The following PLOD2 variants were observed in gnomAD, a reference collection of about 807,000 sequenced individuals.
The protein encoded by PLOD2 is procollagen-lysine,2-oxoglutarate 5-dioxygenase 2, also known as lysine hydroxylase 2.
A neutral mutation model predicts 101.0 loss-of-function variants in PLOD2; 65 were observed. That is an observed-to-expected ratio of 0.64 (90% CI 0.53 to 0.79). PLOD2 has a LOEUF of 0.79. Among genes scored for constraint, PLOD2 ranks in the 30% least tolerant of loss-of-function variants. The pLI, the probability that PLOD2 is intolerant of heterozygous loss-of-function variation, is 0.00. For missense variants in PLOD2, 909 were observed against 914.6 expected, an observed-to-expected ratio of 0.99 and a Z score of 0.08; for synonymous variants, 314 against 302.9, an observed-to-expected ratio of 1.04 and a Z score of -0.38.
chr3:146,125,612 T>C (rs1009085049), intron 1 of PLOD2, among the ~76,000 whole-genome samples: 2 of 151,912 alleles, frequency 1.3e-5, no homozygotes, highest in African/African-American at 4.8e-5. Flanking sequence ...TCGGGTATGG[T>C]GGCACACACT....
At chr3:146,111,816 A>ATT (rs1270391111) in intron 3 of PLOD2, among the ~76,000 whole-genome samples, 1 of 151,218 alleles carries the variant, frequency 6.6e-6, no homozygotes, top group Non-Finnish European at 1.5e-5. Context: ...TAACGGTGAT[A>ATT]TTTTCCTCAA....
intron 3 of PLOD2, 101 bp downstream of exon 3, chr3:146,121,011 G>A (rs542681530): frequency 2.4e-5 from 23 of 964,074 alleles, no homozygotes; most frequent in East Asian, 1.8e-4. Flanking sequence ...GTGAGCCACC[G>A]TGCCCAACCA....
chr3:146,151,956 TGTTA>T (rs1369746001), intron 1 of PLOD2, among the ~76,000 whole-genome samples: 1 of 152,248 alleles, frequency 6.6e-6, no homozygotes, highest in Non-Finnish European at 1.5e-5. Flanking sequence ...TTTACAATGC[TGTTA>T]GTTACCTCTA....
chr3:146,122,824 A>T (rs529911923), intron 2 of PLOD2, among the ~76,000 whole-genome samples: 7 of 152,310 alleles, frequency 4.6e-5, no homozygotes, highest in African/African-American at 1.4e-4. Flanking sequence ...TTAACAGCAT[A>T]TCATATATAA....
rs553988150 is a variant in PLOD2, at chr3:146,099,646, C to T, written c.777+3109G>A. Among the ~76,000 whole-genome samples the T allele has an allele frequency of 2.0e-5, 3 of 152,056 alleles. 1 individual carries two copies. In the South Asian group the frequency reaches 6.2e-4, roughly 32 times the overall value. ...CTCCTGGCCTCAAGTGATCTGCCTGCCTCAGCCTCCTAACGTGACATGAGG... is the reference window on the plus strand; with the variant it reads ...CTCCTGGCCTCAAGTGATCTGCCTGTCTCAGCCTCCTAACGTGACATGAGG... On this transcript the variant is annotated intron_variant, in intron 7 of 19. Transcript: ENST00000282903.
At chr3:146,091,740 A>G (rs1010926768) in intron 8 of PLOD2, 60 bp downstream of exon 8, 1 of 946,802 alleles carries the variant, frequency 1.1e-6, no homozygotes, top group Non-Finnish European at 1.7e-6. Flanking sequence ...TATAAATCAC[A>G]GTATTTCATG....
Position 146,160,979 on chromosome 3 carries a change from C to A in PLOD2, c.11G>T (p.Cys4Phe), listed in dbSNP as rs1240309242. 2 of 1,582,822 alleles carry A rather than the reference C, an allele frequency of 1.3e-6. No individual in the cohort carries two copies. The highest frequency in any genetic ancestry group is 2.3e-5 in the East Asian group (1 of 43,328). Reference protein sequence around the residue: MGGCTVKPQLLLLA... With the variant: MGGFTVKPQLLLLA... Reference sequence around the variant, plus strand: ...GAGCAGCAGCTGAGGCTTCACCGTGCATCCCCCCATATTCGGCCCTCGAGG... The same window carrying A: ...GAGCAGCAGCTGAGGCTTCACCGTGAATCCCCCCATATTCGGCCCTCGAGG... The change falls in exon 1 of 20, where the codon TGC becomes TTC. Residue 4 changes from cysteine to phenylalanine, a missense_variant. Cys to Phe is a radical substitution (Grantham distance 205, BLOSUM62 -2). Coordinates refer to ENST00000282903, the MANE Select transcript of PLOD2 (RefSeq NM_182943.3).
At chr3:146,097,821 TAATAA>T (rs1438687679) in intron 7 of PLOD2, among the ~76,000 whole-genome samples, 7 of 106,566 alleles carry the variant, frequency 6.6e-5, no homozygotes, top group Middle Eastern at 5.4e-3. Context: ...ATAATAATAA[TAATAA>T]AAAAAGAAAA....
At chr3:146,136,682 T>C (rs1249151667) in intron 1 of PLOD2, among the ~76,000 whole-genome samples, 1 of 152,140 alleles carries the variant, frequency 6.6e-6, no homozygotes, top group Non-Finnish European at 1.5e-5. Context: ...GCACAATGGG[T>C]TGCCTTTTTT....
chr3:146,155,696 C>G (rs2864795), intron 1 of PLOD2, among the ~76,000 whole-genome samples: 12,954 of 124,770 alleles, frequency 0.1, 731 homozygotes, highest in South Asian at 0.16. Context: ...GCCTGGGCGA[C>G]AGAACGAGAC....
At chr3:146,115,883 T>C (rs1937883955) in intron 3 of PLOD2, among the ~76,000 whole-genome samples, 1 of 152,116 alleles carries the variant, frequency 6.6e-6, no homozygotes, top group East Asian at 1.9e-4. Context: ...TGTAAACAAA[T>C]GAGCACAGCT....
At chr3:146,098,319 TA>T (rs143555376) in intron 7 of PLOD2, among the ~76,000 whole-genome samples, 35,998 of 152,036 alleles carry the variant, frequency 0.24, 4,396 homozygotes, top group Non-Finnish European at 0.27. Flanking sequence ...TTACTAACAA[TA>T]AATGGGTTTC....
At chr3:146,085,399 G>A in intron 10 of PLOD2, 126 bp from the exon 11 acceptor site, 1 of 672,570 alleles carries the variant, frequency 1.5e-6, no homozygotes, top group South Asian at 1.7e-5. Context: ...GATCAAAATA[G>A]TGGAACAATA....
At chr3:146,143,885 A>C (rs1369100182) in intron 1 of PLOD2, among the ~76,000 whole-genome samples, 1 of 152,084 alleles carries the variant, frequency 6.6e-6, no homozygotes, top group South Asian at 2.1e-4. Context: ...CAAGTACCTA[A>C]GAGATCTGGT....
intron 1 of PLOD2, among the ~76,000 whole-genome samples, chr3:146,141,107 C>T (rs2031500002): frequency 6.6e-6 from 1 of 151,974 alleles, no homozygotes; most frequent in Non-Finnish European, 1.5e-5. Context: ...ATTGAATACA[C>T]AGTATGAACA....
intron 4 of PLOD2, 139 bp from the exon 5 acceptor site, chr3:146,106,783 TG>T (rs1415177520): frequency 1.5e-6 from 1 of 687,840 alleles, no homozygotes; most frequent in African/African-American, 1.8e-5. Context: ...CAGCTCACCA[TG>T]AAAGAAATAT....
intron 3 of PLOD2, among the ~76,000 whole-genome samples, chr3:146,111,032 ATAATT>A (rs66507051): frequency 0.65 from 98,070 of 151,076 alleles, 31,916 homozygotes; most frequent in East Asian, 0.8. Flanking sequence ...AACTGACACT[ATAATT>A]TAATTTTTGT....
At chr3:146,107,801 G>T (rs1937563519) in intron 4 of PLOD2, among the ~76,000 whole-genome samples, 1 of 151,716 alleles carries the variant, frequency 6.6e-6, no homozygotes, top group Non-Finnish European at 1.5e-5. Flanking sequence ...CCATCACCAT[G>T]CCCGACTAAT....
chr3:146,106,143 A>G (rs1397101422), intron 5 of PLOD2, among the ~76,000 whole-genome samples: 1 of 152,226 alleles, frequency 6.6e-6, no homozygotes, highest in African/African-American at 2.4e-5. Flanking sequence ...AGGCAGCCTA[A>G]GTGAGTATGC....
Sources: gnomAD v4.1 joint callset for allele counts (sites outside exome capture counted in the v4.1 genomes callset) on GRCh38, gnomAD v4.1.1 for gene constraint, MANE v1.5 for transcripts, NCBI Gene and HGNC (gene_info 2026-07-23, HGNC 2026-07-21) for gene names.